Variants in MED17 observed in about 807,000 individuals in gnomAD.
MED17 encodes mediator complex subunit 17, also known as mediator of RNA polymerase II transcription subunit 17.
A neutral mutation model predicts 80.8 loss-of-function variants in MED17; 49 were observed. The ratio of observed to expected loss-of-function variants is 0.61; its 90% CI spans 0.48 to 0.77. MED17 has a LOEUF of 0.77. Ranked by LOEUF, MED17 falls within the 30% of genes least tolerant of loss-of-function variation. The probability of loss-of-function intolerance (pLI) is 0.00; values close to 1 mark genes in which losing one functional copy is unlikely to be tolerated. For synonymous variants in MED17, 281 were observed against 280.4 expected (o/e 1.00, Z -0.02); for missense variants, 718 against 787.0 (o/e 0.91, Z 1.05).
intron 3 of MED17, among the ~76,000 whole-genome samples, chr11:93,792,080 G>T (rs561769919): frequency 4.1e-5 from 2 of 49,348 alleles, no homozygotes; most frequent in East Asian, 1.4e-3. Context: ...GAGGCAGTCA[G>T]CGGGCTGGCT....
chr11:93,788,271 A>G (rs1943791595), intron 2 of MED17, 104 bp downstream of exon 2: 2 of 954,724 alleles, frequency 2.1e-6, no homozygotes, highest in East Asian at 5.2e-5. Flanking sequence ...TGCAAAATTA[A>G]GTCCAGATGA....
intron 9 of MED17, among the ~76,000 whole-genome samples, chr11:93,803,474 T>C (rs1477571662): frequency 1.3e-5 from 2 of 152,254 alleles, no homozygotes; most frequent in Non-Finnish European, 2.9e-5. Flanking sequence ...CTTCCCCTTA[T>C]CTAAAGAAAG....
intron 9 of MED17, among the ~76,000 whole-genome samples, chr11:93,802,229 A>T (rs1161093983): frequency 6.6e-6 from 1 of 152,024 alleles, no homozygotes; most frequent in East Asian, 1.9e-4. Context: ...CAACCTCCTG[A>T]GTAGCTGGGA....
chr11:93,789,035 G>A (rs1943803862), intron 2 of MED17: 1 of 152,196 alleles, frequency 6.6e-6, no homozygotes, highest in Non-Finnish European at 1.5e-5. Context: ...GAAGATGAAA[G>A]AGAAGTAGCA....
chr11:93,811,642 T>A (rs1458686291), intron 11 of MED17: 5 of 571,034 alleles, frequency 8.8e-6, no homozygotes, highest in Non-Finnish European at 1.2e-5. Context: ...GTGGTACAAA[T>A]AATAATTCAT....
chr11:93,811,856 G>A lies in MED17; in HGVS notation c.1748G>A (p.Arg583His), dbSNP rs548231700. The change falls in exon 12 of 12, where the codon CGT becomes CAT. Residue 583 changes from arginine (R) to histidine (H), a missense_variant. Transcript: ENST00000251871. ...SPSGDYAISVRNGPESGSKIM... is the reference protein window; with the variant it reads ...SPSGDYAISVHNGPESGSKIM... Reference sequence around the variant, plus strand: ...ATATTTTGGTTTTTCTCCACAGTTCGTAATGGACCTGAAAGTGGCAGCAAG... The same window carrying A: ...ATATTTTGGTTTTTCTCCACAGTTCATAATGGACCTGAAAGTGGCAGCAAG... 1.8e-4 allele frequency: 289 copies of A among 1,614,052 alleles called. 1 individual carries two copies. The East Asian group carries it at 4.3e-3, about 24-fold the overall frequency.
chr11:93,796,232 T>G, intron 6 of MED17, 178 bp from the exon 7 acceptor site: 9 of 623,332 alleles, frequency 1.4e-5, no homozygotes, highest in Non-Finnish European at 1.9e-5. Context: ...ATTGCAGGCG[T>G]GAGCCACCGC....
At chr11:93,790,942 A>G in intron 3 of MED17, 149 bp downstream of exon 3, 5 of 713,484 alleles carry the variant, frequency 7.0e-6, no homozygotes, top group Non-Finnish European at 1.2e-5. Flanking sequence ...CCCTATCTCT[A>G]CCAAAAATGC....
At chr11:93,809,172 G>T in intron 10 of MED17, 1 of 210,320 alleles carries the variant, frequency 4.8e-6, no homozygotes, top group South Asian at 8.5e-5. Flanking sequence ...GGGGAGAGTC[G>T]TGTAGAACAG....
Position 93,812,345 on chromosome 11 carries a change from T to G in MED17, c.*281T>G. On this transcript the variant is annotated 3_prime_UTR_variant, in exon 12 of 12. Transcript: ENST00000251871. ...TATTACTAACTTAAGGGTTTCTATG[T>G]GCTTTTTAAAATATTCCTTCTTTGA... The G allele has an allele frequency of 1.9e-6, 1 of 517,432 alleles. No individual in the cohort carries two copies. The highest frequency in any genetic ancestry group is 3.0e-5 in the East Asian group (1 of 33,180). 32.1% of individuals were successfully genotyped at this position (517,432 alleles called of 1,614,324 possible).
In MED17 at chr11:93,786,243, A is replaced by G. The variant is rs535537645; in HGVS notation, c.250+1480A>G. ...ATAGGCCAAAGGTATCTGAAGGCTC[A>G]TAGAGGAGAGACTTCAGATACCAAT... On this transcript the variant is annotated intron_variant, in intron 1 of 11. Coordinates refer to ENST00000251871, the MANE Select transcript of MED17 (RefSeq NM_004268.5). Among the ~76,000 whole-genome samples, 10 of 152,332 alleles carry G rather than the reference A, an allele frequency of 6.6e-5. No individual in the cohort carries two copies. The East Asian group carries it at 1.9e-3, about 29-fold the overall frequency.
intron 2 of MED17, chr11:93,788,397 T>C (rs1056470363): frequency 2.9e-5 from 12 of 414,614 alleles, no homozygotes; most frequent in Non-Finnish European, 5.3e-5. Flanking sequence ...GTAATACCTT[T>C]AAGGCCAGGC....
intron 2 of MED17, chr11:93,789,081 G>A (rs1307710418): frequency 6.6e-6 from 1 of 152,126 alleles, no homozygotes; most frequent in East Asian, 1.9e-4. Flanking sequence ...AAATCATTGA[G>A]GCTACTTGGG....
intron 10 of MED17, 52 bp from the exon 11 acceptor site, chr11:93,809,665 C>A: frequency 3.8e-6 from 6 of 1,582,764 alleles, no homozygotes; most frequent in Non-Finnish European, 5.2e-6. Flanking sequence ...GATGTTAAGT[C>A]ACTGCAGATA....
rs1199021868 is a variant in MED17 at position 93,814,377 on chromosome 11, G to C, written c.*2313G>C. The C allele has an allele frequency of 6.6e-6, 1 of 152,166 alleles. No homozygotes were observed. The highest frequency in any genetic ancestry group is 2.4e-5 in the African/African-American group (1 of 41,428). The allele number at this position is 152,166 out of a possible 1,614,324, so 9.4% of individuals were successfully genotyped here. A position where few individuals can be genotyped will look rare whatever the true frequency, so the allele number is the denominator to read the frequency against. On this transcript the variant is annotated 3_prime_UTR_variant, in exon 12 of 12. Transcript: ENST00000251871. ...TTTAATGTTTTAACCTGAATTTCCT[G>C]GAGTTTGAAGGATGTGCTATGGAAA...
rs760044024 is a variant in MED17, at chr11:93,796,488, C to T, written c.1091C>T (p.Pro364Leu). The T allele has an allele frequency of 3.3e-5, 54 of 1,613,862 alleles. No homozygotes were observed. Among genetic ancestry groups the T allele is most frequent in the Middle Eastern group, 1.6e-4 (1 of 6,062 alleles). Residue 364 changes from proline (P) to leucine (L), a missense_variant, in exon 7 of 12, where the codon CCG becomes CTG. Coordinates refer to ENST00000251871, the MANE Select transcript of MED17 (RefSeq NM_004268.5). ...AAATTTGCTACTGAGAAGCAATGTC[C>T]GGAGGACCACCTTTATGTCCTAGAG... The part of the protein sequence containing the change: ...SQKFATEKQC[P>L]EDHLYVLEHN...
chr11:93,784,465 G>A lies in MED17; in HGVS notation c.-49G>A, dbSNP rs1349398108. ...CAGGGAAGCCTCCTCTTCGTACCTC[G>A]TTTTTTGGCTCGTGGGGGGTCCTCC... On this transcript the variant is annotated 5_prime_UTR_variant, in exon 1 of 12. Transcript: ENST00000251871. The A allele has an allele frequency of 7.0e-6, 11 of 1,562,814 alleles. No homozygotes were observed. The highest frequency in any genetic ancestry group is 1.7e-4 in the Middle Eastern group (1 of 5,860).
In MED17 at chr11:93,796,651, T is replaced by C. The variant is rs185913265; in HGVS notation, c.1143+111T>C. ...CTTGATTATTCACATAGCAACAACA[T>C]TCACTGTCTGATGTGAAAGATCCTT... On this transcript the variant is annotated intron_variant, in intron 7 of 11. Coordinates refer to ENST00000251871, the MANE Select transcript of MED17 (RefSeq NM_004268.5). 478 of 1,218,514 alleles carry C rather than the reference T, an allele frequency of 3.9e-4. 3 individuals carry two copies. In the East Asian group the frequency reaches 0.01, roughly 26 times the overall value. 75.5% of individuals were successfully genotyped at this position (1,218,514 alleles called of 1,614,324 possible). A position where few individuals can be genotyped will look rare whatever the true frequency, so the allele number is the denominator to read the frequency against.
In MED17 at chr11:93,788,168, G is replaced by GT. The variant is rs1282257090; in HGVS notation, c.417+2dup. The GT allele has an allele frequency of 6.2e-7, 1 of 1,610,844 alleles. No individual in the cohort carries two copies. Among genetic ancestry groups the GT allele is most frequent in the Non-Finnish European group, 8.5e-7 (1 of 1,177,696 alleles). On this transcript the variant is annotated splice_donor_variant, in intron 2 of 11. Transcript: ENST00000251871. LOFTEE classifies it high-confidence loss of function. ...TCAGGATGCACTTCCTCCAAAACAG[G>GT]TATTTGTGGACTTTAATTGAATAAT... is the stretch of plus-strand genomic sequence containing the variant.
Sources: allele counts gnomAD v4.1 joint callset (sites outside exome capture counted in the v4.1 genomes callset), GRCh38; gene constraint gnomAD v4.1.1; transcripts MANE v1.5; gene names NCBI Gene and HGNC (gene_info 2026-07-23, HGNC 2026-07-21).